Variants in IPPK observed in about 807,000 individuals in gnomAD.
The protein encoded by IPPK is IPK1 homolog.
A neutral mutation model predicts 64.6 loss-of-function variants in IPPK; 22 were observed. The ratio of observed to expected loss-of-function variants is 0.34; its 90% CI spans 0.24 to 0.49. The LOEUF (loss-of-function observed/expected upper bound fraction) is 0.49, where lower values mean the gene tolerates loss of function less well. Ranked by LOEUF, IPPK falls within the 20% of genes least tolerant of loss-of-function variation. The pLI, the probability that IPPK is intolerant of heterozygous loss-of-function variation, is 0.99. For synonymous variants in IPPK, 262 were observed against 247.2 expected (o/e 1.06, Z -0.56); for missense variants, 532 against 630.7 (o/e 0.84, Z 1.68).
intron 1 of IPPK, among the ~76,000 whole-genome samples, chr9:92,668,738 C>T (rs1004944990): frequency 1.3e-5 from 2 of 152,176 alleles, no homozygotes; most frequent in Non-Finnish European, 2.9e-5. Flanking sequence ...TATTAATTCA[C>T]CTAAAGATCT....
At position 92,661,615 on chromosome 9, in the gene IPPK, T is replaced by C. The variant is rs78536051; in HGVS notation, c.82-2934A>G. On this transcript the variant is annotated intron_variant, in intron 1 of 12. Coordinates refer to ENST00000287996, the MANE Select transcript of IPPK (RefSeq NM_022755.6). Reference sequence around the variant, plus strand: ...AATCTCCTGCTATCCCTTCCCATTATGGAGCCCAAGAGCCACAACCAACCA... The same window carrying C: ...AATCTCCTGCTATCCCTTCCCATTACGGAGCCCAAGAGCCACAACCAACCA... 7.3e-3 allele frequency among the ~76,000 whole-genome samples: 1,106 copies of C among 152,348 alleles called. 16 individuals carry two copies. The highest frequency in any genetic ancestry group is 0.025 in the African/African-American group (1,043 of 41,580).
intron 3 of IPPK, among the ~76,000 whole-genome samples, chr9:92,655,092 C>G (rs1032511048): frequency 1.3e-5 from 2 of 152,244 alleles, no homozygotes; most frequent in African/African-American, 4.8e-5. Context: ...AGCGCCACAC[C>G]CACCGGGCAG....
intron 4 of IPPK, among the ~76,000 whole-genome samples, chr9:92,650,410 C>G (rs2131451306): frequency 6.6e-6 from 1 of 152,226 alleles, no homozygotes; most frequent in Non-Finnish European, 1.5e-5. Context: ...GGCTCAAACT[C>G]TGGAGAGGCT....
chr9:92,618,874 C>T, intron 12 of IPPK: 2 of 344,654 alleles, frequency 5.8e-6, no homozygotes, highest in Non-Finnish European at 1.1e-5. Context: ...TCCGCAAATA[C>T]TGGGTGCAGG....
In IPPK at chr9:92,638,191, G is replaced by A; in HGVS notation, c.726C>T (p.Phe242=). 2.5e-6 allele frequency: 4 copies of A among 1,614,246 alleles called. No homozygotes were observed. Among genetic ancestry groups the A allele is most frequent in the Non-Finnish European group, 3.4e-6 (4 of 1,180,034 alleles). Residue 242 remains phenylalanine (F), a synonymous_variant, in exon 9 of 13, where the codon TTC becomes TTT. Transcript: ENST00000287996. ...ELAHHLKPFF[F]PSNGLASGPH... ...GCCCACTGGCCAGGCCGTTGGAAGGGAAGAAGAACGGCTTCAGGTGGTGTG... is the reference window on the plus strand; with the variant it reads ...GCCCACTGGCCAGGCCGTTGGAAGGAAAGAAGAACGGCTTCAGGTGGTGTG...
intron 11 of IPPK, among the ~76,000 whole-genome samples, chr9:92,629,781 A>T: frequency 6.6e-6 from 1 of 152,152 alleles, no homozygotes; most frequent in Non-Finnish European, 1.5e-5. Flanking sequence ...AGTGGGCAAC[A>T]AGCACATGAA....
At chr9:92,644,729 G>A (rs1852117505) in intron 6 of IPPK, among the ~76,000 whole-genome samples, 2 of 152,194 alleles carry the variant, frequency 1.3e-5, no homozygotes, top group South Asian at 4.1e-4. Context: ...CACAAAATTA[G>A]CGCAGAAAAG....
At chr9:92,666,930 C>T (rs1436148794) in intron 1 of IPPK, among the ~76,000 whole-genome samples, 1 of 151,982 alleles carries the variant, frequency 6.6e-6, no homozygotes, top group Non-Finnish European at 1.5e-5. Flanking sequence ...TCTCTCTCAT[C>T]CCATGTTTGC....
chr9:92,613,191 G>A lies in IPPK; in HGVS notation c.*2641C>T. The A allele has an allele frequency of 4.3e-6, 7 of 1,611,758 alleles. No homozygotes were observed. The highest frequency in any genetic ancestry group is 5.9e-6 in the Non-Finnish European group (7 of 1,178,124). ...GTGGAGGATGAAGATGCTGCGTGGAGGAACATGCAATTTTATTCAATATAA... is the reference window on the plus strand; with the variant it reads ...GTGGAGGATGAAGATGCTGCGTGGAAGAACATGCAATTTTATTCAATATAA... On this transcript the variant is annotated 3_prime_UTR_variant, in exon 13 of 13. Transcript: ENST00000287996.
Position 92,638,213 on chromosome 9 carries a change from T to A in IPPK, c.704A>T (p.His235Leu), listed in dbSNP as rs1294160143. 2 of 1,614,102 alleles carry A rather than the reference T, an allele frequency of 1.2e-6. No individual in the cohort carries two copies. The highest frequency in any genetic ancestry group is 1.7e-6 in the Non-Finnish European group (2 of 1,180,038). ...AGGGAAGAAGAACGGCTTCAGGTGG[T>A]GTGCAAGCTCGCTCCAGTCAGCCAC... is the stretch of plus-strand genomic sequence containing the variant. ...SPVADWSELA[H>L]HLKPFFFPSN... is the part of the protein sequence containing the mutation. The change falls in exon 9 of 13, where the codon CAC (histidine) becomes CTC (leucine). Residue 235 changes from histidine to leucine, a missense_variant. Coordinates refer to ENST00000287996, the MANE Select transcript of IPPK (RefSeq NM_022755.6).
rs991100744 is a variant in IPPK at position 92,656,442 on chromosome 9, T to C, written c.225+14A>G. 2 of 1,562,808 alleles carry C rather than the reference T, an allele frequency of 1.3e-6. No homozygotes were observed. Among genetic ancestry groups the C allele is most frequent in the African/African-American group, 2.7e-5 (2 of 73,890 alleles). On this transcript the variant is annotated intron_variant, in intron 3 of 12. Coordinates refer to ENST00000287996, the MANE Select transcript of IPPK (RefSeq NM_022755.6). ...ACATGCCCAAGAATTCAGATGTGAA[T>C]AAAAAGCACTTACCCCATAATGAAC...
rs1851921635 is a variant in IPPK, at chr9:92,635,367, G to C, written c.917-59C>G. 1.3e-6 allele frequency: 2 copies of C among 1,563,274 alleles called. No individual in the cohort carries two copies. Among genetic ancestry groups the C allele is most frequent in the South Asian group, 2.4e-5 (2 of 84,618 alleles). On this transcript the variant is annotated intron_variant, in intron 9 of 12. Transcript: ENST00000287996. This position sits in a 1 kb window ranked among gnomAD's most constrained non-coding sequence, Gnocchi z 4.4. ...TTGATTATCAAAGAACGTGGAGGGA[G>C]ACACAGGCCGGCGCAGACCGCAGGG... is the stretch of plus-strand genomic sequence containing the variant.
chr9:92,624,162 T>C (rs2131422047), intron 11 of IPPK, among the ~76,000 whole-genome samples: 1 of 151,984 alleles, frequency 6.6e-6, no homozygotes, highest in East Asian at 1.9e-4. Flanking sequence ...ATAATAAGAC[T>C]GCATCTCTAC....
intron 11 of IPPK, among the ~76,000 whole-genome samples, chr9:92,621,124 T>C (rs1042584429): frequency 1.4e-5 from 2 of 146,974 alleles, no homozygotes; most frequent in African/African-American, 5.0e-5. Context: ...ATTCAAATCA[T>C]GAGGGCTCTA....
chr9:92,650,183 C>T (rs1418977667), intron 4 of IPPK, among the ~76,000 whole-genome samples: 1 of 151,528 alleles, frequency 6.6e-6, no homozygotes, highest in Admixed American at 6.6e-5. Flanking sequence ...ATTAGCTGGG[C>T]GTGGTGGCAT....
At chr9:92,620,529 AG>A (rs1403600813) in intron 11 of IPPK, 2 of 152,244 alleles carry the variant, frequency 1.3e-5, no homozygotes, top group African/African-American at 4.8e-5. Flanking sequence ...GTAAAAGAAA[AG>A]GAATTGGGCC....
intron 3 of IPPK, among the ~76,000 whole-genome samples, chr9:92,654,322 G>A (rs1852328600): frequency 6.6e-6 from 1 of 152,184 alleles, no homozygotes; most frequent in Non-Finnish European, 1.5e-5. Flanking sequence ...TTCGAGACCA[G>A]CCTGCCCAAC....
intron 6 of IPPK, among the ~76,000 whole-genome samples, chr9:92,644,946 T>G (rs1006161602): frequency 3.3e-5 from 5 of 152,130 alleles, no homozygotes; most frequent in Non-Finnish European, 7.3e-5. Flanking sequence ...GCCCAGACAC[T>G]GGACTTACCA....
chr9:92,644,568 G>A (rs765538866), intron 6 of IPPK, among the ~76,000 whole-genome samples: 9 of 152,148 alleles, frequency 5.9e-5, no homozygotes, highest in Admixed American at 3.3e-4. Flanking sequence ...GAACTCACCC[G>A]TGCAGGAGGC....
Sources: gnomAD v4.1 joint callset for allele counts (sites outside exome capture counted in the v4.1 genomes callset) on GRCh38, gnomAD v4.1.1 for gene constraint, Gnocchi (gnomAD v3.1) non-coding constraint, MANE v1.5 for transcripts, NCBI Gene and HGNC (gene_info 2026-07-23, HGNC 2026-07-21) for gene names.